The following ROBO1 variants were observed in gnomAD, a reference collection of about 807,000 sequenced individuals.
ROBO1 encodes roundabout guidance receptor 1.
ROBO1 carries 149 observed loss-of-function variants against 195.9 expected under a neutral mutation model. That is an observed-to-expected ratio of 0.76 (90% CI 0.67 to 0.87). The LOEUF is 0.87. Ranked by LOEUF, ROBO1 falls within the 40% of genes least tolerant of loss-of-function variation. The probability of loss-of-function intolerance (pLI) is 0.00; values close to 1 mark genes in which losing one functional copy is unlikely to be tolerated. For missense variants in ROBO1, 1,933 were observed against 2,068.3 expected, an observed-to-expected ratio of 0.93 and a Z score of 1.27; for synonymous variants, 816 against 733.2, an observed-to-expected ratio of 1.11 and a Z score of -1.82.
At chr3:78,735,364 T>C (rs917421618) in intron 5 of ROBO1, among the ~76,000 whole-genome samples, 3 of 152,190 alleles carry the variant, frequency 2.0e-5, no homozygotes, top group Non-Finnish European at 4.4e-5. Context: ...TTTTCAACAA[T>C]TGACCAGACT....
intron 2 of ROBO1, among the ~76,000 whole-genome samples, chr3:79,465,896 G>A (rs908335916): frequency 1.9e-4 from 28 of 151,310 alleles, no homozygotes; most frequent in African/African-American, 6.3e-4. Context: ...GAAAATTATC[G>A]GCTTCCAAGA....
chr3:79,560,803 G>T (rs1230835907), intron 2 of ROBO1, among the ~76,000 whole-genome samples: 2 of 151,894 alleles, frequency 1.3e-5, no homozygotes, highest in Admixed American at 1.3e-4. Flanking sequence ...GAAAAACTAA[G>T]TGCTTCGCTA....
chr3:78,820,193 GCTCA>G (rs1416147071), intron 4 of ROBO1, among the ~76,000 whole-genome samples: 1 of 152,152 alleles, frequency 6.6e-6, no homozygotes, highest in Non-Finnish European at 1.5e-5. Context: ...AGAACAATTT[GCTCA>G]CTCTAAGAAA....
At chr3:79,749,422 G>T (rs1335566743) in intron 1 of ROBO1, among the ~76,000 whole-genome samples, 1 of 152,162 alleles carries the variant, frequency 6.6e-6, no homozygotes, top group Admixed American at 6.5e-5. Context: ...AGAAATTCAA[G>T]CCACCTGCAG....
intron 1 of ROBO1, among the ~76,000 whole-genome samples, chr3:79,739,336 A>T (rs1576304243): frequency 1.3e-5 from 2 of 152,260 alleles, no homozygotes; most frequent in East Asian, 3.9e-4. Flanking sequence ...TTAAAGATTG[A>T]TCATAGAGAC....
intron 1 of ROBO1, among the ~76,000 whole-genome samples, chr3:79,629,299 G>T (rs1945269126): frequency 6.6e-6 from 1 of 152,038 alleles, no homozygotes; most frequent in African/African-American, 2.4e-5. Flanking sequence ...CATATCAAGT[G>T]TCTTCTCAGA....
chr3:79,758,224 G>A lies in ROBO1; in HGVS notation c.-51+9528C>T, dbSNP rs150934892. 1.6e-3 allele frequency among the ~76,000 whole-genome samples: 241 copies of A among 152,192 alleles called. 9 individuals carry two copies. Among genetic ancestry groups the A allele is most frequent in the Admixed American group, 0.014 (209 of 15,278 alleles). On this transcript the variant is annotated intron_variant, in intron 1 of 30. Transcript: ENST00000464233. Reference sequence around the variant, plus strand: ...AGAACTTTCTCTGATGATGGAAACCGTCTGTATCTGCTCTATCCAAGACAG... The same window carrying A: ...AGAACTTTCTCTGATGATGGAAACCATCTGTATCTGCTCTATCCAAGACAG...
Position 79,286,392 on chromosome 3 carries a change from T to C in ROBO1, c.89-160853A>G, listed in dbSNP as rs115904347. ...ATCTTTCGAATGTCCAATCATCCAA[T>C]TGTTCACATTTTAAAGAGACAGCCT... On this transcript the variant is annotated intron_variant, in intron 2 of 30. Transcript: ENST00000464233. 3.0e-3 allele frequency among the ~76,000 whole-genome samples: 453 copies of C among 152,282 alleles called. 3 individuals carry two copies. Among genetic ancestry groups the C allele is most frequent in the African/African-American group, 0.01 (421 of 41,566 alleles).
chr3:79,245,984 A>G (rs1411559418), intron 2 of ROBO1, among the ~76,000 whole-genome samples: 3 of 152,098 alleles, frequency 2.0e-5, no homozygotes, highest in Admixed American at 2.0e-4. Context: ...TCCCAAGTCA[A>G]GTGTGACCCA....
At chr3:79,401,109 T>C (rs2037351983) in intron 2 of ROBO1, among the ~76,000 whole-genome samples, 1 of 151,842 alleles carries the variant, frequency 6.6e-6, no homozygotes, top group Non-Finnish European at 1.5e-5. Flanking sequence ...AGTTTAAAAG[T>C]TGGCCATTTG....
intron 20 of ROBO1, 32 bp downstream of exon 20, chr3:78,647,597 T>C (rs372304906): frequency 3.1e-6 from 5 of 1,598,280 alleles, no homozygotes; most frequent in African/African-American, 1.3e-5. Context: ...AAACTAACAA[T>C]GGAAAGGAGG....
chr3:78,611,884 C>A (rs1703837269), intron 28 of ROBO1, among the ~76,000 whole-genome samples: 1 of 152,144 alleles, frequency 6.6e-6, no homozygotes, highest in Non-Finnish European at 1.5e-5. Flanking sequence ...CGTCTCCCAG[C>A]CAAGGAGAGA....
At chr3:78,845,707 A>G (rs928731193) in intron 4 of ROBO1, among the ~76,000 whole-genome samples, 6 of 149,774 alleles carry the variant, frequency 4.0e-5, no homozygotes, top group Non-Finnish European at 5.9e-5. Context: ...AATGCCCATC[A>G]TGTCTGGGGA....
At chr3:79,606,037 T>C (rs1460256964) in intron 1 of ROBO1, among the ~76,000 whole-genome samples, 1 of 148,946 alleles carries the variant, frequency 6.7e-6, no homozygotes, top group South Asian at 2.1e-4. Flanking sequence ...TGTACCCACA[T>C]ATATATATAT....
rs529539317 is a variant in ROBO1 at position 78,840,671 on chromosome 3, T to C, written c.500-93771A>G. 3.1e-4 allele frequency among the ~76,000 whole-genome samples: 47 copies of C among 152,320 alleles called. No homozygotes were observed. In the South Asian group the frequency reaches 8.7e-3, roughly 28 times the overall value. ...GATTGAAACACTTAGTTCAAGTGAA[T>C]ATTAAACTACAGTTAACATAGAAAG... On this transcript the variant is annotated intron_variant, in intron 4 of 30. Coordinates refer to ENST00000464233, the MANE Select transcript of ROBO1 (RefSeq NM_002941.4).
At chr3:78,643,028 T>C (rs2107577115) in intron 21 of ROBO1, among the ~76,000 whole-genome samples, 1 of 152,276 alleles carries the variant, frequency 6.6e-6, no homozygotes, top group Non-Finnish European at 1.5e-5. Context: ...TCGCATTTAT[T>C]TATGTAATTT....
intron 4 of ROBO1, among the ~76,000 whole-genome samples, chr3:78,762,733 T>C (rs1041381921): frequency 5.9e-5 from 9 of 152,090 alleles, no homozygotes; most frequent in Non-Finnish European, 1.0e-4. Context: ...ATTTTTATAA[T>C]TGAAATAACA....
In ROBO1 at chr3:78,667,909, T is replaced by G. The variant is rs751200468; in HGVS notation, c.1940A>C (p.Gln647Pro). The G allele has an allele frequency of 5.6e-6, 9 of 1,613,590 alleles. No individual in the cohort carries two copies. The highest frequency in any genetic ancestry group is 7.6e-6 in the Non-Finnish European group (9 of 1,179,714). Reference sequence around the variant, plus strand: ...TTGTGTTTTCACTGGATCTGATATTTGGCTTGGATCACTAATTCCATATGC... The same window carrying G: ...TTGTGTTTTCACTGGATCTGATATTGGGCTTGGATCACTAATTCCATATGC... ...ANAYGISDPSQISDPVKTQDV... is the reference protein window; with the variant it reads ...ANAYGISDPSPISDPVKTQDV... The change falls in exon 14 of 31, where the codon CAA (glutamine) becomes CCA (proline). Residue 647 changes from glutamine to proline, a missense_variant. By Grantham distance (76) the Gln-to-Pro change is moderately conservative. Transcript: ENST00000464233.
At chr3:78,903,873 G>A (rs2037735953) in intron 4 of ROBO1, among the ~76,000 whole-genome samples, 1 of 151,948 alleles carries the variant, frequency 6.6e-6, no homozygotes, top group African/African-American at 2.4e-5. Flanking sequence ...ACACTGTCTT[G>A]GTACAAATAC....
Sources: allele counts gnomAD v4.1 joint callset (sites outside exome capture counted in the v4.1 genomes callset), GRCh38; gene constraint gnomAD v4.1.1; transcripts MANE v1.5; gene names NCBI Gene and HGNC (gene_info 2026-07-23, HGNC 2026-07-21).